Variants in NRXN3 observed in about 807,000 individuals in gnomAD.
The protein encoded by NRXN3 is neurexin III.
A neutral mutation model predicts 137.6 loss-of-function variants in NRXN3; 32 were observed. The observed-to-expected ratio is 0.23, with a 90% confidence interval of 0.18 to 0.31. NRXN3 has a LOEUF of 0.31. NRXN3 is among the 10% of genes least tolerant of loss of function. NRXN3 has a pLI of 1.00. For missense variants in NRXN3, 1,574 were observed against 2,062.5 expected (o/e 0.76, Z 4.59); for synonymous variants, 798 against 784.5 (o/e 1.02, Z -0.29).
At chr14:78,416,578 A>T (rs1124299) in intron 4 of NRXN3, among the ~76,000 whole-genome samples, 1 of 152,070 alleles carries the variant, frequency 6.6e-6, no homozygotes, top group African/African-American at 2.4e-5. Flanking sequence ...GTCACTCCCC[A>T]TGAGCTCTGG....
At chr14:78,419,218 C>G (rs2093315244) in intron 4 of NRXN3, among the ~76,000 whole-genome samples, 1 of 152,146 alleles carries the variant, frequency 6.6e-6, no homozygotes, top group African/African-American at 2.4e-5. Context: ...TCCTAAGCCT[C>G]TAGTCCAACT....
At chr14:79,215,096 C>G (rs1195351475) in intron 15 of NRXN3, among the ~76,000 whole-genome samples, 1 of 152,142 alleles carries the variant, frequency 6.6e-6, no homozygotes, top group Non-Finnish European at 1.5e-5. Context: ...GAGACTGGCA[C>G]TGGTGCTACC....
At chr14:78,784,453 G>T (rs1027596789) in intron 8 of NRXN3, among the ~76,000 whole-genome samples, 2 of 152,178 alleles carry the variant, frequency 1.3e-5, no homozygotes, top group African/African-American at 4.8e-5. Context: ...GCACACTTTT[G>T]AGTAAAAGGT....
intron 16 of NRXN3, among the ~76,000 whole-genome samples, chr14:79,605,728 G>A (rs979618648): frequency 1.3e-5 from 2 of 152,126 alleles, no homozygotes; most frequent in Non-Finnish European, 2.9e-5. Context: ...GACCTCAGGT[G>A]ATCTGCCTAC....
At chr14:78,343,896 A>G (rs1290635894) in intron 4 of NRXN3, among the ~76,000 whole-genome samples, 1 of 152,234 alleles carries the variant, frequency 6.6e-6, no homozygotes, top group Non-Finnish European at 1.5e-5. Flanking sequence ...TGAAGGTTGA[A>G]CACATGGCTT....
chr14:79,199,898 C>G (rs919085140), intron 15 of NRXN3: 10 of 152,146 alleles, frequency 6.6e-5, no homozygotes, highest in Non-Finnish European at 1.2e-4. Flanking sequence ...GCCCGGAATG[C>G]TGAGATAGAA....
At chr14:79,094,036 C>T (rs996442026) in intron 15 of NRXN3, among the ~76,000 whole-genome samples, 2 of 152,126 alleles carry the variant, frequency 1.3e-5, no homozygotes, top group African/African-American at 4.8e-5. Context: ...CTCCTGTCCT[C>T]ACTTGGTTTG....
intron 16 of NRXN3, among the ~76,000 whole-genome samples, chr14:79,484,972 A>T (rs2096642283): frequency 6.6e-6 from 1 of 152,144 alleles, no homozygotes; most frequent in South Asian, 2.1e-4. Flanking sequence ...ATTGTAATTT[A>T]TTGATGAATA....
intron 15 of NRXN3, among the ~76,000 whole-genome samples, chr14:79,368,119 T>C (rs2093963718): frequency 2.0e-5 from 3 of 152,148 alleles, no homozygotes; most frequent in Non-Finnish European, 2.9e-5. Flanking sequence ...AAAGGACATA[T>C]TAGGAGCAGG....
At chr14:78,314,918 TCTTTCTTTCTTTCTTTCTTTCTTTCTTC>T (rs1358945290) in intron 4 of NRXN3, among the ~76,000 whole-genome samples, 11 of 114,420 alleles carry the variant, frequency 9.6e-5, no homozygotes, top group African/African-American at 5.0e-4. Context: ...TTTCTTTCTT[TCTTTCTTTCTTTCTTTCTTTCTTTCTTC>T]CTTCCTTCCT....
chr14:79,004,168 CT>C (rs1283877972), intron 15 of NRXN3, among the ~76,000 whole-genome samples: 1 of 152,018 alleles, frequency 6.6e-6, no homozygotes, highest in African/African-American at 2.4e-5. Context: ...AATGATTTTT[CT>C]TTTATAGTTA....
At chr14:79,728,939 C>A (rs945181805) in intron 19 of NRXN3, among the ~76,000 whole-genome samples, 1 of 152,120 alleles carries the variant, frequency 6.6e-6, no homozygotes, top group Non-Finnish European at 1.5e-5. Context: ...TGATTGAACA[C>A]CTACTATGTG....
chr14:78,590,281 A>G (rs1344202080), intron 4 of NRXN3, among the ~76,000 whole-genome samples: 1 of 152,178 alleles, frequency 6.6e-6, no homozygotes, highest in African/African-American at 2.4e-5. Flanking sequence ...TTCTGGTCCC[A>G]GTCCACAAAG....
intron 4 of NRXN3, among the ~76,000 whole-genome samples, chr14:78,623,178 A>G (rs1435732062): frequency 6.6e-6 from 1 of 152,172 alleles, no homozygotes; most frequent in Non-Finnish European, 1.5e-5. Flanking sequence ...TCCTTTATAC[A>G]TTATGTATGT....
intron 15 of NRXN3, among the ~76,000 whole-genome samples, chr14:79,106,468 T>A (rs2052459565): frequency 6.6e-6 from 1 of 151,990 alleles, no homozygotes; most frequent in African/African-American, 2.4e-5. Context: ...GAATTCTGCA[T>A]TTCTAAGAAT....
intron 15 of NRXN3, chr14:79,072,355 A>G (rs920506865): frequency 6.6e-6 from 1 of 152,202 alleles, no homozygotes; most frequent in African/African-American, 2.4e-5. Flanking sequence ...AAGGTGGTTA[A>G]CAGTGGTGTC....
At chr14:79,762,276 C>T (rs578088542) in intron 19 of NRXN3, among the ~76,000 whole-genome samples, 3 of 151,748 alleles carry the variant, frequency 2.0e-5, no homozygotes, top group South Asian at 2.1e-4. Context: ...TTAACTCTTT[C>T]CAATAAGTGA....
Position 79,788,065 on chromosome 14 carries a change from G to A in NRXN3, c.4015-17047G>A, listed in dbSNP as rs117884512. On this transcript the variant is annotated intron_variant, in intron 19 of 20. Coordinates refer to ENST00000335750, the MANE Select transcript of NRXN3 (RefSeq NM_001330195.2). ...ATGGACTTCACAGCTCCACATGACT[G>A]GGGGGGCCTCACAATCATGGTGGAA... is the stretch of plus-strand genomic sequence containing the variant. Among the ~76,000 whole-genome samples, 85 of 152,098 alleles carry A rather than the reference G, an allele frequency of 5.6e-4. 2 individuals are homozygous for A. In the East Asian group the frequency reaches 0.014, roughly 26 times the overall value.
chr14:79,580,529 A>G (rs1384601791), intron 16 of NRXN3, among the ~76,000 whole-genome samples: 1 of 151,584 alleles, frequency 6.6e-6, no homozygotes, highest in Non-Finnish European at 1.5e-5. Context: ...TATTCTGAGG[A>G]AGGGCTGGGA....
Sources: allele counts gnomAD v4.1 joint callset (sites outside exome capture counted in the v4.1 genomes callset), GRCh38; gene constraint gnomAD v4.1.1; transcripts MANE v1.5; gene names NCBI Gene and HGNC (gene_info 2026-07-23, HGNC 2026-07-21).